Variants in BACH2 observed in about 807,000 individuals in gnomAD.
BACH2 encodes BACH transcriptional regulator 2, also known as transcription regulator protein BACH2.
A neutral mutation model predicts 61.8 loss-of-function variants in BACH2; 5 were observed. That is an observed-to-expected ratio of 0.08 (90% CI 0.04 to 0.17). BACH2 has a LOEUF of 0.17. Ranked by LOEUF, BACH2 falls within the 10% of genes least tolerant of loss-of-function variation. The pLI, the probability that BACH2 is intolerant of heterozygous loss-of-function variation, is 1.00. For missense variants in BACH2, 824 were observed against 1,091.1 expected (o/e 0.76, Z 3.45); for synonymous variants, 446 against 440.1 (o/e 1.01, Z -0.17).
At chr6:90,030,701 G>A (rs1020248971) in intron 5 of BACH2, among the ~76,000 whole-genome samples, 7 of 151,996 alleles carry the variant, frequency 4.6e-5, no homozygotes, top group African/African-American at 1.7e-4. Flanking sequence ...CTGAAATTGA[G>A]GCAATAATTA....
chr6:90,081,680 T>C (rs1781727129), intron 5 of BACH2, among the ~76,000 whole-genome samples: 1 of 152,138 alleles, frequency 6.6e-6, no homozygotes, highest in African/African-American at 2.4e-5. Context: ...ATATAACCAA[T>C]GTCAAAGACA....
intron 4 of BACH2, among the ~76,000 whole-genome samples, chr6:90,176,251 T>A (rs1488536078): frequency 6.6e-6 from 1 of 152,164 alleles, no homozygotes; most frequent in Non-Finnish European, 1.5e-5. Context: ...GAGTTTCAGA[T>A]GTTAACCAAG....
At chr6:90,105,007 TA>T (rs1307915287) in intron 4 of BACH2, among the ~76,000 whole-genome samples, 1 of 152,218 alleles carries the variant, frequency 6.6e-6, no homozygotes, top group Admixed American at 6.5e-5. Context: ...ACCAGTTTGT[TA>T]GCCTGATTCA....
At position 89,951,889 on chromosome 6, in the gene BACH2, A is replaced by T; in HGVS notation, c.244-27T>A. On this transcript the variant is annotated intron_variant, in intron 6 of 8. Transcript: ENST00000257749. The surrounding 1 kb of genome is among the most constrained non-coding windows in gnomAD (Gnocchi z 6.4). ...TGCAAAACAAACAGGGAAATCGCCA[A>T]CATTACCATCAGCACTGCTATTGTC... The T allele has an allele frequency of 6.3e-7, 1 of 1,598,648 alleles. No homozygotes were observed. Among genetic ancestry groups the T allele is most frequent in the South Asian group, 1.1e-5 (1 of 88,924 alleles).
At chr6:90,213,441 G>A (rs991647022) in intron 3 of BACH2, among the ~76,000 whole-genome samples, 10 of 152,076 alleles carry the variant, frequency 6.6e-5, no homozygotes, top group Admixed American at 2.0e-4. Context: ...GTAAACCTCC[G>A]GGAGAGAAAA....
At chr6:90,266,964 A>C (rs979144907) in intron 2 of BACH2, among the ~76,000 whole-genome samples, 2 of 152,194 alleles carry the variant, frequency 1.3e-5, no homozygotes, top group African/African-American at 4.8e-5. Flanking sequence ...AGCAATCTTG[A>C]ATAACGATAT....
chr6:90,217,141 T>A (rs1383222668), intron 3 of BACH2, among the ~76,000 whole-genome samples: 1 of 152,180 alleles, frequency 6.6e-6, no homozygotes, highest in Admixed American at 6.5e-5. Context: ...CCATCAGAGT[T>A]GCCTGGAAGA....
chr6:90,212,484 C>T (rs940877751), intron 3 of BACH2, among the ~76,000 whole-genome samples: 1 of 152,176 alleles, frequency 6.6e-6, no homozygotes, highest in Non-Finnish European at 1.5e-5. Flanking sequence ...GTCCTCGCCA[C>T]CCCACATGGA....
chr6:90,088,602 A>G (rs1782028034), intron 5 of BACH2, among the ~76,000 whole-genome samples: 1 of 152,200 alleles, frequency 6.6e-6, no homozygotes, highest in African/African-American at 2.4e-5. Context: ...CATGAGTTAA[A>G]GCAGTGATTC....
rs1321510793 is a variant in BACH2, at chr6:89,928,321, C to T, written c.*4087G>A. The T allele has an allele frequency of 2.0e-5, 3 of 152,312 alleles. No homozygotes were observed. Among genetic ancestry groups the T allele is most frequent in the African/African-American group, 7.2e-5 (3 of 41,436 alleles). 9.4% of individuals were successfully genotyped at this position (152,312 alleles called of 1,614,324 possible). A position where few individuals can be genotyped will look rare whatever the true frequency, so the allele number is the denominator to read the frequency against. ...AGAGAAGTAGGTAGCCAAATAGGGA[C>T]TTGAGAAAGCTTTGCAGGCAGCTCT... On this transcript the variant is annotated 3_prime_UTR_variant, in exon 9 of 9. Coordinates refer to ENST00000257749, the MANE Select transcript of BACH2 (RefSeq NM_021813.4).
At chr6:90,281,020 G>A (rs1441427929) in intron 1 of BACH2, among the ~76,000 whole-genome samples, 1 of 152,132 alleles carries the variant, frequency 6.6e-6, no homozygotes, top group African/African-American at 2.4e-5. Context: ...CACAGAAAAT[G>A]CTCCCTCTGT....
At chr6:90,157,703 T>A (rs1252363836) in intron 4 of BACH2, among the ~76,000 whole-genome samples, 1 of 152,166 alleles carries the variant, frequency 6.6e-6, no homozygotes, top group Admixed American at 6.5e-5. Flanking sequence ...CCCGAGCAGA[T>A]GGCCGCTTAG....
intron 6 of BACH2, among the ~76,000 whole-genome samples, chr6:89,963,057 C>A (rs538691725): frequency 2.0e-5 from 3 of 152,186 alleles, no homozygotes; most frequent in African/African-American, 4.8e-5. Context: ...ATAAAATAAC[C>A]CAACTAAAAG....
intron 2 of BACH2, among the ~76,000 whole-genome samples, chr6:90,259,108 T>C (rs1158491263): frequency 2.0e-5 from 3 of 152,196 alleles, no homozygotes; most frequent in Non-Finnish European, 4.4e-5. Flanking sequence ...CTATGTTGAA[T>C]AGAAGTGGTG....
At chr6:90,055,757 C>A (rs1488127838) in intron 5 of BACH2, among the ~76,000 whole-genome samples, 1 of 152,148 alleles carries the variant, frequency 6.6e-6, no homozygotes, top group Non-Finnish European at 1.5e-5. Flanking sequence ...GGAAGCCCAA[C>A]AGACTAACAG....
chr6:90,223,185 G>A (rs375082050), intron 3 of BACH2, among the ~76,000 whole-genome samples: 152 of 152,274 alleles, frequency 1.0e-3, no homozygotes, highest in South Asian at 9.9e-3. Flanking sequence ...TGGTGGCACC[G>A]AGCATTTACT....
intron 6 of BACH2, among the ~76,000 whole-genome samples, chr6:89,959,898 A>G (rs1480653174): frequency 6.6e-6 from 1 of 152,096 alleles, no homozygotes; most frequent in African/African-American, 2.4e-5. Context: ...CAGGTGGGTG[A>G]GCTCAGAAGG....
At chr6:90,201,785 C>T (rs544711329) in intron 4 of BACH2, among the ~76,000 whole-genome samples, 5 of 152,186 alleles carry the variant, frequency 3.3e-5, no homozygotes, top group Admixed American at 6.5e-5. Context: ...AAGTTTAGAC[C>T]TTGCAATAGC....
At chr6:90,295,682 T>A (rs544940516) in intron 1 of BACH2, among the ~76,000 whole-genome samples, 1 of 149,952 alleles carries the variant, frequency 6.7e-6, no homozygotes, top group African/African-American at 2.5e-5. Flanking sequence ...TGTGTGTGTG[T>A]GTTGCACCTT....
Sources: allele counts gnomAD v4.1 joint callset (sites outside exome capture counted in the v4.1 genomes callset), GRCh38; gene constraint gnomAD v4.1.1; non-coding constraint Gnocchi (gnomAD v3.1); transcripts MANE v1.5; gene names NCBI Gene and HGNC (gene_info 2026-07-23, HGNC 2026-07-21).